Variants in PDLIM7 observed in about 807,000 individuals in gnomAD.
PDLIM7 encodes the protein PDZ and LIM domain protein 7.
A neutral mutation model predicts 53.9 loss-of-function variants in PDLIM7; 37 were observed. The ratio of observed to expected loss-of-function variants is 0.69; its 90% CI spans 0.53 to 0.90. The LOEUF is 0.90. Among genes scored for constraint, PDLIM7 ranks in the 40% least tolerant of loss-of-function variants. PDLIM7 has a pLI of 0.00. For synonymous variants in PDLIM7, 300 were observed against 261.3 expected (o/e 1.15, Z -1.43); for missense variants, 617 against 638.5 (o/e 0.97, Z 0.36).
At chr5:177,492,035 CA>C in intron 4 of PDLIM7, 110 bp from the exon 5 acceptor site, 1 of 451,650 alleles carries the variant, frequency 2.2e-6, no homozygotes, top group Non-Finnish European at 3.7e-6. Flanking sequence ...CCCCCACCCC[CA>C]CCCCACCCCC....
chr5:177,489,593 G>A lies in PDLIM7; in HGVS notation c.669C>T (p.Pro223=). 5 of 1,606,948 alleles carry A rather than the reference G, an allele frequency of 3.1e-6. No individual in the cohort carries two copies. Among genetic ancestry groups the A allele is most frequent in the Non-Finnish European group, 4.2e-6 (5 of 1,177,516 alleles). Residue 223 remains proline, a synonymous_variant, in exon 9 of 13, where the codon CCC becomes CCT. Coordinates refer to ENST00000355841, the MANE Select transcript of PDLIM7 (RefSeq NM_005451.5). ...PTAPSPTSRP[P]WAVDPAFAER... is the part of the protein sequence containing the mutation. The stretch of plus-strand genomic sequence containing the variant: ...CGGCAAACGCAGGGTCCACAGCCCA[G>A]GGCGGGCGGCTGGTAGGGCTGGGGG...
At chr5:177,495,558 G>A (rs549389854) in intron 2 of PDLIM7, among the ~76,000 whole-genome samples, 4 of 152,372 alleles carry the variant, frequency 2.6e-5, no homozygotes, top group East Asian at 3.9e-4. Flanking sequence ...GGACCATATA[G>A]CTGGAGCTGC....
At chr5:177,486,931 C>T (rs1441101981) in intron 10 of PDLIM7, among the ~76,000 whole-genome samples, 12 of 48,720 alleles carry the variant, frequency 2.5e-4, no homozygotes, top group East Asian at 1.4e-3. Context: ...GTGCCTGGCC[C>T]TTTTTTTTTT....
chr5:177,490,674 G>A (rs1273226948), intron 7 of PDLIM7, 196 bp downstream of exon 7: 2 of 984,206 alleles, frequency 2.0e-6, no homozygotes, highest in East Asian at 2.6e-5. Flanking sequence ...GGGAAGGAAG[G>A]AGGGAGGGAA....
chr5:177,497,008 G>GGGGGA (rs1325490583), intron 1 of PDLIM7: 1 of 67,924 alleles, frequency 1.5e-5, no homozygotes, highest in African/African-American at 4.6e-5. Context: ...TGGGACGCGA[G>GGGGGA]GGGGGGGGGA....
intron 7 of PDLIM7, chr5:177,490,166 C>T: frequency 7.5e-6 from 11 of 1,458,098 alleles, no homozygotes; most frequent in Non-Finnish European, 9.1e-6. Flanking sequence ...ACGGCAGGGC[C>T]CAAACAGTCC....
At chr5:177,484,678 C>G (rs1758348515) in intron 10 of PDLIM7, among the ~76,000 whole-genome samples, 1 of 152,260 alleles carries the variant, frequency 6.6e-6, no homozygotes, top group Non-Finnish European at 1.5e-5. Context: ...GCTGCCACAG[C>G]GTGCCCCTGC....
chr5:177,497,197 C>G (rs1759134627), intron 1 of PDLIM7, among the ~76,000 whole-genome samples: 1 of 152,020 alleles, frequency 6.6e-6, no homozygotes, highest in African/African-American at 2.4e-5. Context: ...TCAAGCATAG[C>G]TTGGAGGGGG....
rs767089404 is a variant in PDLIM7, at chr5:177,489,753, G to A, written c.634+18C>T. ...AGGCTGCCCACCCTTGCCCAGGCCC[G>A]AGCCCACTCCCTCTCACCAGGCCAG... On this transcript the variant is annotated intron_variant, in intron 8 of 12. Coordinates refer to ENST00000355841, the MANE Select transcript of PDLIM7 (RefSeq NM_005451.5). The A allele has an allele frequency of 1.8e-5, 27 of 1,525,298 alleles. No individual in the cohort carries two copies. Among genetic ancestry groups the A allele is most frequent in the African/African-American group, 4.1e-5 (3 of 73,040 alleles). 94.5% of individuals were successfully genotyped at this position (1,525,298 alleles called of 1,614,324 possible). A position where few individuals can be genotyped will look rare whatever the true frequency, so the allele number is the denominator to read the frequency against.
chr5:177,489,257 G>A, intron 9 of PDLIM7, 136 bp downstream of exon 9: 1 of 701,562 alleles, frequency 1.4e-6, no homozygotes, highest in Non-Finnish European at 2.4e-6. Context: ...ACCCAGCCCA[G>A]GTCCCTACTC....
intron 10 of PDLIM7, among the ~76,000 whole-genome samples, chr5:177,485,534 T>C (rs1239126188): frequency 6.6e-6 from 1 of 152,236 alleles, no homozygotes; most frequent in Non-Finnish European, 1.5e-5. Flanking sequence ...GAGGCTGTTA[T>C]GAGGATGGCC....
At chr5:177,486,730 C>T (rs1206659718) in intron 10 of PDLIM7, among the ~76,000 whole-genome samples, 4 of 151,748 alleles carry the variant, frequency 2.6e-5, no homozygotes, top group Admixed American at 6.6e-5. Context: ...GCTCTGCCTC[C>T]CAGGTTCACG....
intron 7 of PDLIM7, 91 bp from the exon 8 acceptor site, chr5:177,489,923 T>A: frequency 6.5e-7 from 1 of 1,539,576 alleles, no homozygotes; most frequent in Non-Finnish European, 8.7e-7. Flanking sequence ...CCACGGGAGA[T>A]GACTGGGGGC....
chr5:177,490,500 C>T (rs779665497), intron 7 of PDLIM7: 20 of 1,556,634 alleles, frequency 1.3e-5, no homozygotes, highest in Non-Finnish European at 1.6e-5. Flanking sequence ...GGCCGGGCTA[C>T]GACTGCACGT....
At chr5:177,492,847 G>C in intron 2 of PDLIM7, 170 bp from the exon 3 acceptor site, 1 of 649,184 alleles carries the variant, frequency 1.5e-6, no homozygotes, top group Non-Finnish European at 2.6e-6. Flanking sequence ...CCAGGAGGTG[G>C]TGGCGCTCAC....
Position 177,487,965 on chromosome 5 carries a change from C to T in PDLIM7, c.1050+103G>A, listed in dbSNP as rs76868497. The T allele has an allele frequency of 4.2e-3, 4,753 of 1,143,044 alleles. 131 individuals carry two copies. The African/African-American group carries it at 0.064, about 15-fold the overall frequency. The allele number at this position is 1,143,044 out of a possible 1,614,324, so 70.8% of individuals were successfully genotyped here. ...CCCATTTATTACGCTGGTAAGGACCCGGAGGGCTCACTCGGGGAGAGACCT... is the reference window on the plus strand; with the variant it reads ...CCCATTTATTACGCTGGTAAGGACCTGGAGGGCTCACTCGGGGAGAGACCT... On this transcript the variant is annotated intron_variant, in intron 10 of 12. Transcript: ENST00000355841.
At chr5:177,491,462 G>C (rs201916557) in intron 5 of PDLIM7, 4 of 1,474,612 alleles carry the variant, frequency 2.7e-6, no homozygotes, top group East Asian at 2.5e-5. Flanking sequence ...AAGGGACAAA[G>C]GGACAGACAC....
At chr5:177,490,729 G>A (rs1758717906) in intron 7 of PDLIM7, 141 bp downstream of exon 7, 3 of 727,138 alleles carry the variant, frequency 4.1e-6, no homozygotes, top group Admixed American at 2.2e-5. Flanking sequence ...AAGGAAGGAA[G>A]GAAGGAAGGA....
Position 177,492,437 on chromosome 5 carries a change from TGGA to T in PDLIM7, c.249-5_249-3del, listed in dbSNP as rs767308177. The T allele has an allele frequency of 6.8e-6, 11 of 1,613,514 alleles. No homozygotes were observed. In the South Asian group the frequency reaches 8.8e-5, roughly 13 times the overall value. On this transcript the variant is annotated splice_region_variant and splice_polypyrimidine_tract_variant and intron_variant, in intron 3 of 12. Transcript: ENST00000355841. ...GGTTTGCTCTGAACCGGCTGGGCCC[TGGA>T]GGAGAAGGAAAGCGTGACAGCGGGC...
Sources: allele counts gnomAD v4.1 joint callset (sites outside exome capture counted in the v4.1 genomes callset), GRCh38; gene constraint gnomAD v4.1.1; transcripts MANE v1.5; gene names NCBI Gene and HGNC (gene_info 2026-07-23, HGNC 2026-07-21).